Variants in FRMD4A observed in about 807,000 individuals in gnomAD.
FRMD4A encodes the protein FERM domain containing 4A.
Under a neutral mutation model 129.1 loss-of-function variants are expected in FRMD4A, and 29 were observed. That is an observed-to-expected ratio of 0.22 (90% CI 0.17 to 0.31). FRMD4A has a LOEUF of 0.31. FRMD4A is among the 10% of genes least tolerant of loss of function. FRMD4A has a pLI of 1.00. For missense variants in FRMD4A, 1,272 were observed against 1,375.8 expected (o/e 0.92, Z 1.19); for synonymous variants, 634 against 571.6 (o/e 1.11, Z -1.56).
intron 2 of FRMD4A, among the ~76,000 whole-genome samples, chr10:14,186,137 T>G (rs1163828007): frequency 8.2e-6 from 1 of 122,526 alleles, no homozygotes; most frequent in Non-Finnish European, 1.7e-5. Context: ...AAATCGCAGA[T>G]AAAAAGAAAA....
intron 2 of FRMD4A, among the ~76,000 whole-genome samples, chr10:14,142,842 G>A (rs1176847417): frequency 6.6e-6 from 1 of 152,174 alleles, no homozygotes; most frequent in Non-Finnish European, 1.5e-5. Flanking sequence ...CAAAGGACTT[G>A]AATAGACATT....
chr10:14,270,385 G>A (rs1845123828), intron 2 of FRMD4A, among the ~76,000 whole-genome samples: 1 of 152,154 alleles, frequency 6.6e-6, no homozygotes, highest in Admixed American at 6.5e-5. Flanking sequence ...CACAGGTTCT[G>A]GGGATTAGGA....
chr10:13,760,502 G>A (rs2092026573), intron 8 of FRMD4A, among the ~76,000 whole-genome samples: 1 of 152,060 alleles, frequency 6.6e-6, no homozygotes, highest in African/African-American at 2.4e-5. Context: ...CTGGGTAACA[G>A]AAGGAGACCT....
intron 15 of FRMD4A, chr10:13,684,302 G>C: frequency 1.0e-6 from 1 of 984,054 alleles, no homozygotes; most frequent in Non-Finnish European, 1.2e-6. Flanking sequence ...CAAGCAGAGA[G>C]AGAGATGGAG....
rs146104090 is a variant in FRMD4A, at chr10:13,882,255, G to C, written c.46-23343C>G. ...GAGCCCCTAAACTATGACAATGGCA[G>C]TCAGCACCTCACCCTAAAAGAATGT... On this transcript the variant is annotated intron_variant, in intron 2 of 24. Transcript: ENST00000357447. Among the ~76,000 whole-genome samples, 3 of 152,200 alleles carry C rather than the reference G, an allele frequency of 2.0e-5. No individual in the cohort carries two copies. In the East Asian group the frequency reaches 5.8e-4, roughly 30 times the overall value.
chr10:14,169,071 C>CATCAT (rs1297108631), intron 2 of FRMD4A, among the ~76,000 whole-genome samples: 1 of 151,622 alleles, frequency 6.6e-6, no homozygotes, highest in Non-Finnish European at 1.5e-5. Context: ...CTGATGTGTA[C>CATCAT]ATCATACTCA....
Position 13,993,461 on chromosome 10 carries a change from T to A in FRMD4A, c.46-134549A>T, listed in dbSNP as rs985787825. ...CACCTTGATCATAAAAGAACCTCTG[T>A]TTGGCTCTTGTGCAATCTCTAGTTT... is the stretch of plus-strand genomic sequence containing the variant. On this transcript the variant is annotated intron_variant, in intron 2 of 24. Coordinates refer to ENST00000357447, the MANE Select transcript of FRMD4A (RefSeq NM_018027.5). Among the ~76,000 whole-genome samples, 8 of 152,224 alleles carry A rather than the reference T, an allele frequency of 5.3e-5. No individual in the cohort carries two copies. In the South Asian group the frequency reaches 1.7e-3, roughly 32 times the overall value.
intron 4 of FRMD4A, among the ~76,000 whole-genome samples, chr10:13,808,740 G>A (rs1247321896): frequency 6.6e-6 from 1 of 152,156 alleles, no homozygotes; most frequent in Non-Finnish European, 1.5e-5. Flanking sequence ...GAAATCTTTT[G>A]CCAGCTCCAG....
At chr10:13,700,820 C>CTTTT (rs71503097) in intron 14 of FRMD4A, among the ~76,000 whole-genome samples, 957 of 44,672 alleles carry the variant, frequency 0.021, 123 homozygotes, top group African/African-American at 0.039. Flanking sequence ...AGGGTAGTTG[C>CTTTT]TTTTTTTTTT....
chr10:14,010,214 T>C (rs1273200517), intron 2 of FRMD4A, among the ~76,000 whole-genome samples: 1 of 152,160 alleles, frequency 6.6e-6, no homozygotes, highest in Non-Finnish European at 1.5e-5. Context: ...TTATTTACAT[T>C]TGACTAAATG....
chr10:13,736,673 C>T (rs552428005), intron 12 of FRMD4A, among the ~76,000 whole-genome samples: 6 of 152,258 alleles, frequency 3.9e-5, no homozygotes, highest in Middle Eastern at 3.4e-3. Context: ...CAATCCTATT[C>T]GAGGATAAAA....
intron 2 of FRMD4A, among the ~76,000 whole-genome samples, chr10:13,975,397 GT>G (rs1487673100): frequency 6.6e-6 from 1 of 151,648 alleles, no homozygotes; most frequent in African/African-American, 2.4e-5. Context: ...CTTTGTCTCT[GT>G]GTGTGTGTCT....
intron 2 of FRMD4A, among the ~76,000 whole-genome samples, chr10:13,946,892 G>C (rs184559311): frequency 6.6e-6 from 1 of 152,186 alleles, no homozygotes; most frequent in African/African-American, 2.4e-5. Context: ...ACTTGACCTC[G>C]GGGAGCTTAT....
chr10:13,702,217 G>T (rs555183504), intron 13 of FRMD4A, among the ~76,000 whole-genome samples: 5 of 152,176 alleles, frequency 3.3e-5, no homozygotes, highest in Admixed American at 3.3e-4. Flanking sequence ...GATGACAGAT[G>T]CCCCCCACCA....
intron 2 of FRMD4A, among the ~76,000 whole-genome samples, chr10:14,255,862 C>T (rs991867357): frequency 6.6e-6 from 1 of 151,826 alleles, no homozygotes; most frequent in Admixed American, 6.6e-5. Flanking sequence ...AAAAATTAGC[C>T]GGGTGTGGTG....
At chr10:13,680,985 C>T (rs77142324) in intron 15 of FRMD4A, among the ~76,000 whole-genome samples, 1,832 of 152,226 alleles carry the variant, frequency 0.012, 18 homozygotes, top group African/African-American at 0.017. Flanking sequence ...AATGGTGTAA[C>T]GCCTTGAGTT....
At chr10:13,667,261 T>A (rs932665089) in intron 17 of FRMD4A, 5 of 152,420 alleles carry the variant, frequency 3.3e-5, no homozygotes, top group Non-Finnish European at 7.3e-5. Flanking sequence ...ATCTGCCTAT[T>A]CATGTATACT....
At chr10:14,239,226 A>T (rs1843941605) in intron 2 of FRMD4A, among the ~76,000 whole-genome samples, 1 of 152,146 alleles carries the variant, frequency 6.6e-6, no homozygotes, top group African/African-American at 2.4e-5. Flanking sequence ...AGGTTGTATA[A>T]CCCTACGTGG....
chr10:14,188,853 C>T (rs145208038), intron 2 of FRMD4A, among the ~76,000 whole-genome samples: 6 of 152,294 alleles, frequency 3.9e-5, no homozygotes, highest in Admixed American at 6.5e-5. Context: ...CAGCAATGAG[C>T]GGTGATTGCA....
Sources: allele counts gnomAD v4.1 joint callset (sites outside exome capture counted in the v4.1 genomes callset), GRCh38; gene constraint gnomAD v4.1.1; transcripts MANE v1.5; gene names NCBI Gene and HGNC (gene_info 2026-07-23, HGNC 2026-07-21).